Variants in HSD17B3 observed in about 807,000 individuals in gnomAD.
HSD17B3 encodes hydroxysteroid 17-beta dehydrogenase 3.
HSD17B3 carries 29 observed loss-of-function variants against 41.1 expected under a neutral mutation model. The observed-to-expected ratio is 0.71, with a 90% CI of 0.53 to 0.96. The LOEUF is 0.96. Among genes scored for constraint, HSD17B3 ranks in the 40% least tolerant of loss-of-function variants. The pLI, the probability that HSD17B3 is intolerant of heterozygous loss-of-function variation, is 0.00. For synonymous variants in HSD17B3, 126 were observed against 145.6 expected (o/e 0.87, Z 0.97); for missense variants, 323 against 374.6 (o/e 0.86, Z 1.14).
intron 10 of HSD17B3, among the ~76,000 whole-genome samples, 169 bp from the exon 11 acceptor site, chr9:96,235,739 G>GT (rs921476664): frequency 8.5e-5 from 13 of 152,208 alleles, no homozygotes; most frequent in Admixed American, 6.5e-4. Context: ...AGCTCACAAG[G>GT]TTTTCTCAGA....
chr9:96,273,442 C>G (rs1826337805), intron 2 of HSD17B3, among the ~76,000 whole-genome samples: 1 of 152,196 alleles, frequency 6.6e-6, no homozygotes, highest in Non-Finnish European at 1.5e-5. Flanking sequence ...AAAGGATCCC[C>G]TTGGCTGTGA....
In HSD17B3 at chr9:96,262,229, C is replaced by CTTTTT. The variant is rs71368240; in HGVS notation, c.202-7291_202-7287dup. Among the ~76,000 whole-genome samples, 53 of 54,214 alleles carry CTTTTT rather than the reference C, an allele frequency of 9.8e-4. 3 individuals carry two copies. Among genetic ancestry groups the CTTTTT allele is most frequent in the African/African-American group, 1.5e-3 (19 of 12,520 alleles). The allele number at this position is 54,214 out of a possible 152,430, so 35.6% of individuals were successfully genotyped here. A position where few individuals can be genotyped will look rare whatever the true frequency, so the allele number is the denominator to read the frequency against. ...ACAGTGGTTGTAAACATGTCAATTG[C>CTTTTT]TTTTTTTTTTTTTTTTTTTTTTTTT... On this transcript the variant is annotated intron_variant, in intron 2 of 10. Coordinates refer to ENST00000375263, the MANE Select transcript of HSD17B3 (RefSeq NM_000197.2).
intron 9 of HSD17B3, among the ~76,000 whole-genome samples, chr9:96,241,904 C>T (rs1163757145): frequency 7.0e-6 from 1 of 142,788 alleles, no homozygotes; most frequent in Non-Finnish European, 1.5e-5. Flanking sequence ...CACTACACTC[C>T]AGCCTAGGCT....
chr9:96,295,644 C>T (rs1247686752), intron 2 of HSD17B3, among the ~76,000 whole-genome samples: 9 of 152,104 alleles, frequency 5.9e-5, no homozygotes. Flanking sequence ...CCACGAGGAG[C>T]TTTTTTAACT....
chr9:96,271,609 T>A (rs1826247576), intron 2 of HSD17B3, among the ~76,000 whole-genome samples: 1 of 152,192 alleles, frequency 6.6e-6, no homozygotes, highest in Non-Finnish European at 1.5e-5. Flanking sequence ...ATATGTGTTA[T>A]GATCCAGCTT....
intron 10 of HSD17B3, chr9:96,239,543 T>C (rs961541956): frequency 6.6e-5 from 10 of 152,308 alleles, no homozygotes; most frequent in Admixed American, 2.6e-4. Flanking sequence ...TAGCAAGTAA[T>C]TGAGAAAGTT....
At chr9:96,286,477 T>C (rs1188863658) in intron 2 of HSD17B3, among the ~76,000 whole-genome samples, 1 of 151,956 alleles carries the variant, frequency 6.6e-6, no homozygotes, top group East Asian at 1.9e-4. Flanking sequence ...TCACTTGAGG[T>C]TAGGAGTTCA....
intron 2 of HSD17B3, among the ~76,000 whole-genome samples, chr9:96,263,611 C>G (rs1377193980): frequency 6.6e-6 from 1 of 151,766 alleles, no homozygotes; most frequent in Non-Finnish European, 1.5e-5. Flanking sequence ...CGCCTGTAGT[C>G]CCAGCTATTC....
chr9:96,302,127 C>T lies in HSD17B3; in HGVS notation c.-23G>A, dbSNP rs1232071997. 1 of 1,612,896 alleles carries T rather than the reference C, an allele frequency of 6.2e-7. No individual in the cohort carries two copies. Among genetic ancestry groups the T allele is most frequent in the Non-Finnish European group, 8.5e-7 (1 of 1,179,414 alleles). The stretch of plus-strand genomic sequence containing the variant: ...CATGGCTGCACTCAACAGACTGTTT[C>T]AGCCCTGGCCGTGGCTCTCTGTGTA... On this transcript the variant is annotated 5_prime_UTR_variant, in exon 1 of 11. Transcript: ENST00000375263.
intron 2 of HSD17B3, among the ~76,000 whole-genome samples, chr9:96,293,708 C>G (rs1053031938): frequency 6.6e-6 from 1 of 151,494 alleles, no homozygotes; most frequent in African/African-American, 2.4e-5. Flanking sequence ...CTGTTTCTCT[C>G]GAGAACCATG....
chr9:96,285,657 CACTT>C (rs1207171719), intron 2 of HSD17B3, among the ~76,000 whole-genome samples: 1 of 152,184 alleles, frequency 6.6e-6, no homozygotes, highest in Admixed American at 6.6e-5. Flanking sequence ...TTAAATTGGA[CACTT>C]ACTAATCTTC....
chr9:96,236,011 T>C (rs1431037590), intron 10 of HSD17B3, among the ~76,000 whole-genome samples: 1 of 151,494 alleles, frequency 6.6e-6, no homozygotes, highest in Non-Finnish European at 1.5e-5. Context: ...AGTCTCACTA[T>C]GTTGCCCAGG....
intron 2 of HSD17B3, among the ~76,000 whole-genome samples, chr9:96,259,419 T>G (rs1825780505): frequency 6.6e-6 from 1 of 152,196 alleles, no homozygotes; most frequent in Non-Finnish European, 1.5e-5. Context: ...TAGAAGGGAA[T>G]ACATTCAAAA....
intron 7 of HSD17B3, 60 bp downstream of exon 7, chr9:96,246,496 T>C (rs1836667778): frequency 2.0e-6 from 3 of 1,493,842 alleles, no homozygotes; most frequent in Middle Eastern, 3.5e-4. Flanking sequence ...GTCCCTGAGT[T>C]AGCTGACCGC....
intron 3 of HSD17B3, 148 bp from the exon 4 acceptor site, chr9:96,253,058 T>G (rs2130730595): frequency 1.4e-6 from 1 of 696,474 alleles, no homozygotes; most frequent in East Asian, 2.6e-5. Flanking sequence ...TGGTTCTGGG[T>G]AAATGTTGGG....
rs2066483 is a variant in HSD17B3 at position 96,252,916 on chromosome 9, C to T, written c.278-6G>A. The T allele has an allele frequency of 2.2e-4, 353 of 1,571,030 alleles. 1 individual carries two copies. The African/African-American group carries it at 4.0e-3, about 18-fold the overall frequency. ...ACTCCTCCCTGTAGTCCGCTCTACA[C>T]GAGAGACAACAGTTTTTTTAATGAA... On this transcript the variant is annotated splice_polypyrimidine_tract_variant and splice_region_variant and intron_variant, in intron 3 of 10. Transcript: ENST00000375263.
chr9:96,237,237 A>G (rs757573331), intron 10 of HSD17B3, among the ~76,000 whole-genome samples: 7 of 152,182 alleles, frequency 4.6e-5, no homozygotes, highest in Non-Finnish European at 7.3e-5. Flanking sequence ...CCCCCTTTAA[A>G]AAGTCCTAAA....
At chr9:96,253,336 C>A (rs546853926) in intron 3 of HSD17B3, among the ~76,000 whole-genome samples, 49 of 152,256 alleles carry the variant, frequency 3.2e-4, no homozygotes, top group Non-Finnish European at 5.7e-4. Context: ...AAGTTCGAGA[C>A]CCCAGACTGA....
intron 2 of HSD17B3, among the ~76,000 whole-genome samples, chr9:96,269,167 C>T (rs1428637284): frequency 6.6e-6 from 1 of 152,122 alleles, no homozygotes; most frequent in Non-Finnish European, 1.5e-5. Flanking sequence ...TGGGACTGTA[C>T]TGAATATAGT....
Sources: gnomAD v4.1 joint callset for allele counts (sites outside exome capture counted in the v4.1 genomes callset) on GRCh38, gnomAD v4.1.1 for gene constraint, MANE v1.5 for transcripts, NCBI Gene and HGNC (gene_info 2026-07-23, HGNC 2026-07-21) for gene names.